Variants in TCIRG1 observed in about 807,000 individuals in gnomAD.
TCIRG1 encodes T cell immune regulator 1, ATPase H+ transporting V0 subunit a3.
Under a neutral mutation model 95.5 loss-of-function variants are expected in TCIRG1, and 86 were observed. That is an observed-to-expected ratio of 0.90 (90% confidence interval 0.76 to 1.08). TCIRG1 has a LOEUF of 1.08. Ranked by LOEUF, TCIRG1 falls within the 50% of genes least tolerant of loss-of-function variation. The probability of loss-of-function intolerance (pLI) is 0.00; values close to 1 mark genes in which losing one functional copy is unlikely to be tolerated. For synonymous variants in TCIRG1, 499 were observed against 501.3 expected, an observed-to-expected ratio of 1.00 and a Z score of 0.06; for missense variants, 1,069 against 1,140.2, an observed-to-expected ratio of 0.94 and a Z score of 0.90.
rs775514573 is a variant in TCIRG1 at position 68,049,757 on chromosome 11, G to A, written c.1982G>A (p.Arg661His). 26 of 1,576,078 alleles carry A rather than the reference G, an allele frequency of 1.6e-5. No individual in the cohort carries two copies. The highest frequency in any genetic ancestry group is 2.7e-5 in the African/African-American group (2 of 74,568). Residue 661 changes from arginine (R) to histidine (H), a missense_variant, in exon 16 of 20, where the codon CGC becomes CAC. Coordinates refer to ENST00000265686, the MANE Select transcript of TCIRG1 (RefSeq NM_006019.4). ...TPLHLLHRHR[R>H]RLRRRPADRQ... is the part of the protein sequence containing the mutation. ...CTGCACCTGCTGCACCGCCACCGCCGCCGCCTGCGGAGGAGGCCCGCTGAC... is the reference window on the plus strand; with the variant it reads ...CTGCACCTGCTGCACCGCCACCGCCACCGCCTGCGGAGGAGGCCCGCTGAC...
At chr11:68,039,840 G>T (rs1227697593) in intron 1 of TCIRG1, 1 of 151,696 alleles carries the variant, frequency 6.6e-6, no homozygotes, top group Non-Finnish European at 1.5e-5. Context: ...CGGCCCTCGA[G>T]CCCTCGGCAT....
At chr11:68,048,084 C>G in intron 13 of TCIRG1, 112 bp downstream of exon 13, 1 of 940,730 alleles carries the variant, frequency 1.1e-6, no homozygotes. Context: ...TCCTGTGTGC[C>G]AGGCCCTTTC....
At chr11:68,044,094 G>T (rs1474983550) in intron 8 of TCIRG1, 38 bp from the exon 9 acceptor site, 2 of 1,529,728 alleles carry the variant, frequency 1.3e-6, no homozygotes, top group Non-Finnish European at 8.8e-7. Flanking sequence ...CACCCCACCT[G>T]CCTGCCCAGC....
In TCIRG1 at chr11:68,043,802, T is replaced by C; in HGVS notation, c.714-12T>C. ...TCCTTCTGGCCCCTCACGCAGCGCA[T>C]CCTCCCTCCAGCTTCCACTGCCACG... On this transcript the variant is annotated splice_polypyrimidine_tract_variant and intron_variant, in intron 7 of 19. Coordinates refer to ENST00000265686, the MANE Select transcript of TCIRG1 (RefSeq NM_006019.4). 1 of 1,557,730 alleles carries C rather than the reference T, an allele frequency of 6.4e-7. No homozygotes were observed. Among genetic ancestry groups the C allele is most frequent in the South Asian group, 1.2e-5 (1 of 84,652 alleles).
intron 13 of TCIRG1, 76 bp from the exon 14 acceptor site, chr11:68,048,799 AGAGT>A (rs1175419957): frequency 9.7e-7 from 1 of 1,035,924 alleles, no homozygotes; most frequent in Non-Finnish European, 1.5e-6. Context: ...GGGTGGTGAG[AGAGT>A]GACTCGGGCC....
chr11:68,043,835 G>A lies in TCIRG1; in HGVS notation c.735G>A (p.Pro245=), dbSNP rs1009768262. The change falls in exon 8 of 20, where the codon CCG becomes CCA. Residue 245 remains proline (P), a synonymous_variant. Coordinates refer to ENST00000265686, the MANE Select transcript of TCIRG1 (RefSeq NM_006019.4). ...CCAGCTTCCACTGCCACGTCTTCCC[G>A]TTTCTGCAGCAGGAGGAGGCCCGCC... ...ITDCFHCHVF[P]FLQQEEARLG... is the part of the protein sequence containing the mutation. 7.7e-6 allele frequency: 12 copies of A among 1,562,506 alleles called. No homozygotes were observed. Among genetic ancestry groups the A allele is most frequent in the East Asian group, 4.8e-5 (2 of 42,054 alleles).
chr11:68,046,980 G>T (rs1855517750), intron 10 of TCIRG1: 1 of 452,344 alleles, frequency 2.2e-6, no homozygotes, highest in South Asian at 1.6e-5. Context: ...CTGGGCCAAG[G>T]TCACACAGCT....
At position 68,050,637 on chromosome 11, in the gene TCIRG1, C is replaced by T. The variant is rs775626939; in HGVS notation, c.2387C>T (p.Ala796Val). 1.2e-6 allele frequency: 2 copies of T among 1,613,364 alleles called. No individual in the cohort carries two copies. The highest frequency in any genetic ancestry group is 4.5e-5 in the East Asian group (2 of 44,882). Residue 796 changes from alanine to valine, a missense_variant, in exon 19 of 20, where the codon GCC becomes GTC. By Grantham distance (64) the Ala-to-Val change is moderately conservative (BLOSUM62 0). Coordinates refer to ENST00000265686, the MANE Select transcript of TCIRG1 (RefSeq NM_006019.4). ...AILLVMEGLSAFLHALRLHWV... is the reference protein window; with the variant it reads ...AILLVMEGLSVFLHALRLHWV... ...CTGCTGGTGATGGAGGGACTCTCAG[C>T]CTTCCTGCACGCCCTGCGGCTGCAC...
At chr11:68,051,625 C>G (rs1382343813), downstream of TCIRG1, among the ~76,000 whole-genome samples, 1 of 152,234 alleles carries the variant, frequency 6.6e-6, no homozygotes, top group Non-Finnish European at 1.5e-5. Context: ...CCATTGGCTC[C>G]TGGACTGCTT....
In TCIRG1 at chr11:68,047,665, AG is replaced by A; in HGVS notation, c.1328del (p.Gly443AlafsTer85). ...CCCCCAGATCTGGCAGACTTTCTTC[AG>A]GGGCCGCTACCTGCTCCTGCTTATG... ...AQNEIWQTFF[R>X]GRYLLLLMGL... On this transcript the variant is annotated frameshift_variant, in exon 12 of 20. Transcript: ENST00000265686. LOFTEE classifies it high-confidence loss of function. 1 of 1,613,362 alleles carries A rather than the reference AG, an allele frequency of 6.2e-7. No individual in the cohort carries two copies. Among genetic ancestry groups the A allele is most frequent in the Non-Finnish European group, 8.5e-7 (1 of 1,179,972 alleles).
rs919522080 is a variant in TCIRG1 at position 68,043,286 on chromosome 11, G to A, written c.504-85G>A. The A allele has an allele frequency of 5.3e-6, 8 of 1,504,696 alleles. No individual in the cohort carries two copies. The South Asian group carries it at 8.8e-5, about 16-fold the overall frequency. 93.2% of individuals were successfully genotyped at this position (1,504,696 alleles called of 1,614,324 possible). ...TGTGCCCAATTGCCCGATTGCCCGT[G>A]CTGGGCAGGGTCCTGCCCGGGGGGC... On this transcript the variant is annotated intron_variant, in intron 5 of 19. Coordinates refer to ENST00000265686, the MANE Select transcript of TCIRG1 (RefSeq NM_006019.4).
downstream of TCIRG1, chr11:68,050,963 G>C (rs1855776998): frequency 2.2e-6 from 2 of 915,962 alleles, no homozygotes; most frequent in African/African-American, 3.3e-5. Context: ...CATGGTGTAG[G>C]ATCTGGGACC....
intron 18 of TCIRG1, 61 bp downstream of exon 18, chr11:68,050,315 G>C (rs1417927377): frequency 1.3e-6 from 2 of 1,598,752 alleles, no homozygotes; most frequent in Non-Finnish European, 1.7e-6. Flanking sequence ...ACCGCTGCTG[G>C]CTGGGCGGGT....
chr11:68,040,516 C>G (rs574605171), intron 1 of TCIRG1, among the ~76,000 whole-genome samples: 1 of 152,322 alleles, frequency 6.6e-6, no homozygotes, highest in East Asian at 1.9e-4. Flanking sequence ...GTCCCCTCCC[C>G]CTAATTTTCG....
In TCIRG1 at chr11:68,047,914, C is replaced by T; in HGVS notation, c.1496C>T (p.Thr499Ile). 1.2e-6 allele frequency: 2 copies of T among 1,613,790 alleles called. No individual in the cohort carries two copies. Among genetic ancestry groups the T allele is most frequent in the South Asian group, 1.1e-5 (1 of 91,086 alleles). ...DAFLAQHTML[T>I]LDPNVTGVFL... Reference sequence around the variant, plus strand: ...TTCCTGGCCCAGCACACGATGCTTACCCTGGATCCCAACGTCACCGGTGTC... The same window carrying T: ...TTCCTGGCCCAGCACACGATGCTTATCCTGGATCCCAACGTCACCGGTGTC... Residue 499 changes from threonine to isoleucine, a missense_variant, in exon 13 of 20, where the codon ACC becomes ATC. Physicochemically the swap from Thr to Ile is moderately conservative, Grantham distance 89. Coordinates refer to ENST00000265686, the MANE Select transcript of TCIRG1 (RefSeq NM_006019.4).
At chr11:68,046,327 T>A (rs1178452860) in intron 10 of TCIRG1, among the ~76,000 whole-genome samples, 1 of 151,974 alleles carries the variant, frequency 6.6e-6, no homozygotes, top group African/African-American at 2.4e-5. Flanking sequence ...CTGGGCAACA[T>A]AGCAAGCCCT....
Position 68,042,639 on chromosome 11 carries a change from C to A in TCIRG1, c.197-4C>A. 6.5e-7 allele frequency: 1 copy of A among 1,547,370 alleles called. No individual in the cohort carries two copies. The highest frequency in any genetic ancestry group is 2.3e-4 in the Middle Eastern group (1 of 4,360). ...GCACCCCACTCCCGTTCCTCTGCGC[C>A]CAGCCTTCCTGCAGGAGGAGGTGCG... is the stretch of plus-strand genomic sequence containing the variant. On this transcript the variant is annotated splice_polypyrimidine_tract_variant and splice_region_variant and intron_variant, in intron 3 of 19. Transcript: ENST00000265686.
chr11:68,047,252 GCCCCCC>G lies in TCIRG1; in HGVS notation c.1166-171_1166-166del, dbSNP rs3075230. On this transcript the variant is annotated intron_variant, in intron 10 of 19. Coordinates refer to ENST00000265686, the MANE Select transcript of TCIRG1 (RefSeq NM_006019.4). ...TCTCGAACTCCTGACCTCGGGTGAT[GCCCCCC>G]CCCCCCCCCGTCTCGGCCTCCCAGA... Among the ~76,000 whole-genome samples, 9 of 28,088 alleles carry G rather than the reference GCCCCCC, an allele frequency of 3.2e-4. 2 individuals are homozygous for G. The highest frequency in any genetic ancestry group is 1.6e-3 in the East Asian group (2 of 1,230). 18.4% of individuals were successfully genotyped at this position (28,088 alleles called of 152,430 possible).
chr11:68,048,064 C>T (rs1032395006), intron 13 of TCIRG1, 92 bp downstream of exon 13: 67 of 1,114,712 alleles, frequency 6.0e-5, no homozygotes, highest in East Asian at 4.8e-5. Flanking sequence ...GCAGCGCTGT[C>T]GCTGAGCACT....
Sources: allele counts gnomAD v4.1 joint callset (sites outside exome capture counted in the v4.1 genomes callset), GRCh38; gene constraint gnomAD v4.1.1; transcripts MANE v1.5; gene names NCBI Gene and HGNC (gene_info 2026-07-23, HGNC 2026-07-21).